SNTB2: variants seen among roughly 807,000 people sequenced by gnomAD.
SNTB2 encodes beta-2-syntrophin.
SNTB2 carries 34 observed loss-of-function variants against 46.2 expected under a neutral mutation model. The observed-to-expected ratio is 0.74, with a 90% CI of 0.56 to 0.98. The LOEUF (loss-of-function observed/expected upper bound fraction) is 0.98, where lower values mean the gene tolerates loss of function less well. SNTB2 is among the 50% of genes least tolerant of loss of function. SNTB2 has a pLI of 0.00. For synonymous variants in SNTB2, 290 were observed against 312.6 expected, an observed-to-expected ratio of 0.93 and a Z score of 0.76; for missense variants, 603 against 731.4, an observed-to-expected ratio of 0.82 and a Z score of 2.02.
At chr16:69,231,571 A>G (rs965406812) in intron 1 of SNTB2, among the ~76,000 whole-genome samples, 1 of 152,270 alleles carries the variant, frequency 6.6e-6, no homozygotes, top group Non-Finnish European at 1.5e-5. Flanking sequence ...CCTGGGCAGC[A>G]GGAGTGAAAC....
At chr16:69,288,615 C>T (rs951228578) in intron 5 of SNTB2, among the ~76,000 whole-genome samples, 8 of 152,016 alleles carry the variant, frequency 5.3e-5, no homozygotes, top group Admixed American at 1.3e-4. Context: ...ATAGCCATTA[C>T]GGAAAACAGT....
rs146239443 is a variant in SNTB2 at position 69,256,249 on chromosome 16, G to A, written c.795-3801G>A. Among the ~76,000 whole-genome samples, 554 of 152,206 alleles carry A rather than the reference G, an allele frequency of 3.6e-3. 3 individuals carry two copies. Among genetic ancestry groups the A allele is most frequent in the African/African-American group, 0.013 (533 of 41,536 alleles). On this transcript the variant is annotated intron_variant, in intron 2 of 6. Transcript: ENST00000336278. ...TGCCTAGGCTGGTCTCAAACTCCTG[G>A]CTTCAAGTGATTTCCCCGCCTCAGC...
chr16:69,206,361 C>A (rs1465960834), intron 1 of SNTB2, among the ~76,000 whole-genome samples: 1 of 152,046 alleles, frequency 6.6e-6, no homozygotes, highest in East Asian at 1.9e-4. Context: ...AGTAGATATA[C>A]TATTTGATCA....
intron 4 of SNTB2, among the ~76,000 whole-genome samples, chr16:69,281,857 A>G (rs1191344057): frequency 6.6e-6 from 1 of 151,608 alleles, no homozygotes; most frequent in African/African-American, 2.4e-5. Context: ...AAAAAAAAGA[A>G]AGAAAGAAAA....
At chr16:69,226,459 G>A (rs560732064) in intron 1 of SNTB2, among the ~76,000 whole-genome samples, 24 of 151,412 alleles carry the variant, frequency 1.6e-4, no homozygotes, top group Non-Finnish European at 3.2e-4. Flanking sequence ...TTGGGTTCCT[G>A]AGGCAAGGAC....
chr16:69,281,335 G>T (rs890934927), intron 4 of SNTB2, among the ~76,000 whole-genome samples: 3 of 150,860 alleles, frequency 2.0e-5, no homozygotes, highest in African/African-American at 7.3e-5. Flanking sequence ...AGGTTCAAGC[G>T]ATTCTCCTGT....
At chr16:69,279,401 G>GC (rs1222656502) in intron 4 of SNTB2, among the ~76,000 whole-genome samples, 2 of 151,298 alleles carry the variant, frequency 1.3e-5, no homozygotes, top group Non-Finnish European at 2.9e-5. Context: ...CATTTAAGTT[G>GC]CTTCCATCTC....
chr16:69,295,196 G>T (rs1965210990), intron 5 of SNTB2, among the ~76,000 whole-genome samples: 1 of 143,312 alleles, frequency 7.0e-6, no homozygotes. Context: ...TCTATTTCTG[G>T]TAACAACCCT....
intron 3 of SNTB2, among the ~76,000 whole-genome samples, chr16:69,265,131 C>T (rs1288943798): frequency 6.6e-6 from 1 of 152,056 alleles, no homozygotes; most frequent in Non-Finnish European, 1.5e-5. Context: ...CGCCTGTACT[C>T]CCAGCTACTG....
rs1965290187 is a variant in SNTB2 at position 69,303,148 on chromosome 16, T to G, written c.*2224T>G. ...TCCCAAAGTGCTGGGATTATAGGTG[T>G]GAGCCCCCGTGCCTGGCCCACAATA... On this transcript the variant is annotated 3_prime_UTR_variant, in exon 7 of 7. Coordinates refer to ENST00000336278, the MANE Select transcript of SNTB2 (RefSeq NM_006750.4). 6.6e-6 allele frequency: 1 copy of G among 152,192 alleles called. No individual in the cohort carries two copies. The highest frequency in any genetic ancestry group is 1.5e-5 in the Non-Finnish European group (1 of 68,054). The allele number at this position is 152,192 out of a possible 1,614,324, so 9.4% of individuals were successfully genotyped here.
intron 1 of SNTB2, among the ~76,000 whole-genome samples, chr16:69,224,402 G>A (rs1021871415): frequency 1.3e-5 from 2 of 151,856 alleles, no homozygotes; most frequent in African/African-American, 2.4e-5. Context: ...TAGTAGAGAC[G>A]GGGTTTCACC....
Position 69,304,811 on chromosome 16 carries a change from G to T in SNTB2, c.*3887G>T, listed in dbSNP as rs1255983522. ...CCTGAGTAGCTGGGACCACAGGTGTGTGCCACCACACCTGGCTAATTTTTA... is the reference window on the plus strand; with the variant it reads ...CCTGAGTAGCTGGGACCACAGGTGTTTGCCACCACACCTGGCTAATTTTTA... On this transcript the variant is annotated 3_prime_UTR_variant, in exon 7 of 7. Coordinates refer to ENST00000336278, the MANE Select transcript of SNTB2 (RefSeq NM_006750.4). 1 of 151,202 alleles carries T rather than the reference G, an allele frequency of 6.6e-6. No individual in the cohort carries two copies. Among genetic ancestry groups the T allele is most frequent in the Non-Finnish European group, 1.5e-5 (1 of 67,900 alleles). 9.4% of individuals were successfully genotyped at this position (151,202 alleles called of 1,614,324 possible).
intron 1 of SNTB2, among the ~76,000 whole-genome samples, chr16:69,195,695 C>T (rs1964098972): frequency 6.6e-6 from 1 of 152,028 alleles, no homozygotes; most frequent in African/African-American, 2.4e-5. Flanking sequence ...TAATAACTAA[C>T]CCCTGTAAGA....
intron 3 of SNTB2, among the ~76,000 whole-genome samples, chr16:69,265,410 T>A (rs997677028): frequency 5.9e-5 from 9 of 152,180 alleles, no homozygotes; most frequent in African/African-American, 2.2e-4. Context: ...CATTTTTTAG[T>A]GTGATAATAA....
intron 1 of SNTB2, among the ~76,000 whole-genome samples, chr16:69,215,219 A>G (rs1329905674): frequency 1.3e-5 from 2 of 152,150 alleles, no homozygotes; most frequent in Non-Finnish European, 2.9e-5. Flanking sequence ...GCCTGTCTCT[A>G]TGAAAATATT....
intron 1 of SNTB2, among the ~76,000 whole-genome samples, chr16:69,232,598 G>A (rs2152295105): frequency 7.3e-6 from 1 of 136,814 alleles, no homozygotes; most frequent in East Asian, 2.2e-4. Context: ...TGCAACCTCT[G>A]CCTCCCGGGT....
At chr16:69,221,514 A>T (rs1242131676) in intron 1 of SNTB2, among the ~76,000 whole-genome samples, 1 of 152,096 alleles carries the variant, frequency 6.6e-6, no homozygotes, top group Non-Finnish European at 1.5e-5. Flanking sequence ...GGTGGCTTAC[A>T]CCTGTAATTC....
At chr16:69,210,529 C>T (rs915911260) in intron 1 of SNTB2, among the ~76,000 whole-genome samples, 10 of 148,174 alleles carry the variant, frequency 6.7e-5, no homozygotes, top group East Asian at 2.1e-4. Flanking sequence ...TGAGCCACCG[C>T]GCCCGGCCAT....
chr16:69,234,567 T>G (rs1424257504), intron 1 of SNTB2, among the ~76,000 whole-genome samples: 1 of 152,188 alleles, frequency 6.6e-6, no homozygotes, highest in Non-Finnish European at 1.5e-5. Flanking sequence ...TATTTCCAGT[T>G]TAATTATCTG....
Sources: allele counts gnomAD v4.1 joint callset (sites outside exome capture counted in the v4.1 genomes callset), GRCh38; gene constraint gnomAD v4.1.1; transcripts MANE v1.5; gene names NCBI Gene and HGNC (gene_info 2026-07-23, HGNC 2026-07-21).